CADPS2: variants seen among roughly 807,000 people sequenced by gnomAD.
The protein encoded by CADPS2 is calcium dependent secretion activator 2.
Under a neutral mutation model 172.5 loss-of-function variants are expected in CADPS2, and 93 were observed. That is an observed-to-expected ratio of 0.54 (90% CI 0.46 to 0.64). The LOEUF is 0.64. CADPS2 is among the 30% of genes least tolerant of loss of function. CADPS2 has a pLI of 0.00. For missense variants in CADPS2, 1,420 were observed against 1,565.9 expected (o/e 0.91, Z 1.57); for synonymous variants, 546 against 555.2 (o/e 0.98, Z 0.23).
intron 17 of CADPS2, among the ~76,000 whole-genome samples, chr7:122,429,073 C>T (rs2049550123): frequency 6.6e-6 from 1 of 151,878 alleles, no homozygotes; most frequent in African/African-American, 2.4e-5. Flanking sequence ...TTAGAGTCTT[C>T]AAGGAAAATT....
intron 11 of CADPS2, among the ~76,000 whole-genome samples, chr7:122,486,678 T>C (rs529969436): frequency 2.1e-4 from 32 of 152,310 alleles, no homozygotes; most frequent in African/African-American, 7.0e-4. Flanking sequence ...TTTTAGAGGA[T>C]TGACTCCAAT....
intron 1 of CADPS2, among the ~76,000 whole-genome samples, chr7:122,776,446 C>T (rs1331109556): frequency 6.6e-6 from 1 of 151,714 alleles, no homozygotes; most frequent in Non-Finnish European, 1.5e-5. Flanking sequence ...TGAAAATGTA[C>T]TAATACAGTA....
intron 6 of CADPS2, among the ~76,000 whole-genome samples, chr7:122,598,064 A>G (rs934583286): frequency 1.3e-5 from 2 of 152,042 alleles, no homozygotes; most frequent in Non-Finnish European, 2.9e-5. Flanking sequence ...TAGAACTACC[A>G]TTTCTTTTTT....
intron 1 of CADPS2, among the ~76,000 whole-genome samples, chr7:122,798,000 GTTT>G (rs200067009): frequency 1.4e-5 from 2 of 146,352 alleles, no homozygotes; most frequent in Non-Finnish European, 1.5e-5. Flanking sequence ...TTTTGTGCAG[GTTT>G]TTTTTTTCAA....
At chr7:122,508,028 C>T (rs1477052228) in intron 9 of CADPS2, among the ~76,000 whole-genome samples, 2 of 151,964 alleles carry the variant, frequency 1.3e-5, no homozygotes, top group Non-Finnish European at 2.9e-5. Context: ...ACAGATTCTC[C>T]ACTATGTACA....
rs117158232 is a variant in CADPS2, at chr7:122,598,557, G to C, written c.1223+16624C>G. 8.3e-3 allele frequency among the ~76,000 whole-genome samples: 1,260 copies of C among 152,102 alleles called. 10 individuals carry two copies. The highest frequency in any genetic ancestry group is 0.024 in the Middle Eastern group (7 of 294). ...GCAGATTGTATTTAATTATGTAGTGGGTGGAAATTAGGGTGACAACTGGCT... is the reference window on the plus strand; with the variant it reads ...GCAGATTGTATTTAATTATGTAGTGCGTGGAAATTAGGGTGACAACTGGCT... On this transcript the variant is annotated intron_variant, in intron 6 of 29. Coordinates refer to ENST00000449022, the MANE Select transcript of CADPS2 (RefSeq NM_017954.11).
chr7:122,710,049 T>TAAAA (rs34082235), intron 2 of CADPS2, among the ~76,000 whole-genome samples: 7 of 93,502 alleles, frequency 7.5e-5, no homozygotes, highest in African/African-American at 2.5e-4. Flanking sequence ...TAAAGTATAA[T>TAAAA]AAAAAAAAAA....
intron 1 of CADPS2, among the ~76,000 whole-genome samples, chr7:122,850,611 T>G (rs910022213): frequency 1.9e-4 from 29 of 152,234 alleles, no homozygotes; most frequent in African/African-American, 7.0e-4. Flanking sequence ...AAACTCAAAC[T>G]CTTTCTTCCC....
rs201760067 is a variant in CADPS2 at position 122,520,344 on chromosome 7, T to TG, written c.1476-7030_1476-7029insC. ...CATAGTACCCGGTTGAATGTGTGTG[T>TG]TTTTTTTTTAAGTAGATTCATATGT... On this transcript the variant is annotated intron_variant, in intron 8 of 29. Transcript: ENST00000449022. 6.6e-3 allele frequency among the ~76,000 whole-genome samples: 939 copies of TG among 142,252 alleles called. 6 individuals carry two copies. The highest frequency in any genetic ancestry group is 9.8e-3 in the African/African-American group (339 of 34,622). 93.3% of individuals were successfully genotyped at this position (142,252 alleles called of 152,430 possible).
rs142270601 is a variant in CADPS2, at chr7:122,674,854, C to T, written c.454-11285G>A. Among the ~76,000 whole-genome samples the T allele has an allele frequency of 2.6e-5, 4 of 152,246 alleles. No homozygotes were observed. In the East Asian group the frequency reaches 7.7e-4, roughly 29 times the overall value. The stretch of plus-strand genomic sequence containing the variant: ...CATGCCTTTTTCTCCTGAATAATGC[C>T]AAATAAAATATTGTCTCATAATTTC... On this transcript the variant is annotated intron_variant, in intron 2 of 29. Transcript: ENST00000449022.
chr7:122,760,133 C>CACTGTATAATTACTAAGCAA (rs2093328697), intron 1 of CADPS2, among the ~76,000 whole-genome samples: 1 of 151,816 alleles, frequency 6.6e-6, no homozygotes. Context: ...GATATAGACA[C>CACTGTATAATTACTAAGCAA]ACTGTATAAT....
chr7:122,727,289 G>A (rs570484562), intron 2 of CADPS2, among the ~76,000 whole-genome samples: 3 of 151,882 alleles, frequency 2.0e-5, no homozygotes, highest in African/African-American at 7.2e-5. Context: ...GCTCTAAACT[G>A]AGCAGCCTTT....
chr7:122,645,379 A>G (rs1224885884), intron 3 of CADPS2, among the ~76,000 whole-genome samples: 1 of 78,374 alleles, frequency 1.3e-5, no homozygotes, highest in Non-Finnish European at 3.3e-5. Context: ...ATACACACAT[A>G]TGTACATGTG....
At chr7:122,410,507 C>A (rs1355390784) in intron 19 of CADPS2, among the ~76,000 whole-genome samples, 1 of 143,560 alleles carries the variant, frequency 7.0e-6, no homozygotes, top group Non-Finnish European at 1.5e-5. Context: ...GAACCCTGAA[C>A]CTAGAAGCAG....
chr7:122,416,773 A>G (rs983486066), intron 17 of CADPS2, among the ~76,000 whole-genome samples: 1 of 152,192 alleles, frequency 6.6e-6, no homozygotes, highest in Non-Finnish European at 1.5e-5. Flanking sequence ...TTGAAGCTGA[A>G]GGTTCTTTCT....
intron 9 of CADPS2, among the ~76,000 whole-genome samples, chr7:122,493,874 T>G (rs1231394474): frequency 6.6e-6 from 1 of 152,148 alleles, no homozygotes; most frequent in African/African-American, 2.4e-5. Flanking sequence ...AATCAAATAG[T>G]TTGCTGTTTT....
intron 2 of CADPS2, among the ~76,000 whole-genome samples, chr7:122,732,856 T>TGATATACATTA (rs2091811240): frequency 6.9e-6 from 1 of 144,742 alleles, no homozygotes; most frequent in African/African-American, 2.5e-5. Context: ...GCTATGTATA[T>TGATATACATTA]TATATGATAT....
Position 122,629,236 on chromosome 7 carries a change from T to C in CADPS2, c.867+12A>G. ...AGGAATGTCATACAGTATGTCCAAG[T>C]TAATAATTTACCTTTGCCATTTTAT... On this transcript the variant is annotated intron_variant, in intron 4 of 29. Coordinates refer to ENST00000449022, the MANE Select transcript of CADPS2 (RefSeq NM_017954.11). The C allele has an allele frequency of 1.2e-6, 2 of 1,601,298 alleles. No homozygotes were observed. Among genetic ancestry groups the C allele is most frequent in the Non-Finnish European group, 1.7e-6 (2 of 1,172,092 alleles).
At chr7:122,470,770 A>T (rs1448829255) in intron 14 of CADPS2, among the ~76,000 whole-genome samples, 1 of 152,174 alleles carries the variant, frequency 6.6e-6, no homozygotes, top group Non-Finnish European at 1.5e-5. Flanking sequence ...TGCTAAGATT[A>T]CAGGTGTAAG....
Sources: gnomAD v4.1 joint callset for allele counts (sites outside exome capture counted in the v4.1 genomes callset) on GRCh38, gnomAD v4.1.1 for gene constraint, MANE v1.5 for transcripts, NCBI Gene and HGNC (gene_info 2026-07-23, HGNC 2026-07-21) for gene names.